Variants in EHMT2 observed in about 807,000 individuals in gnomAD.
EHMT2 encodes euchromatic histone lysine methyltransferase 2.
In EHMT2, 59 loss-of-function variants were observed where a neutral mutation model predicts 143.3. The ratio of observed to expected loss-of-function variants is 0.41; its 90% CI spans 0.33 to 0.51. The LOEUF (loss-of-function observed/expected upper bound fraction) is 0.51. Ranked by LOEUF, EHMT2 falls within the 20% of genes least tolerant of loss-of-function variation. EHMT2 has a pLI of 0.18. For missense variants in EHMT2, 1,174 were observed against 1,645.9 expected (o/e 0.71, Z 4.96); for synonymous variants, 604 against 651.5 (o/e 0.93, Z 1.11).
rs1764645345 is a variant in EHMT2 at position 31,885,025 on chromosome 6, G to T, written c.2344-9C>A. The T allele has an allele frequency of 6.3e-6, 10 of 1,599,156 alleles. No individual in the cohort carries two copies. Among genetic ancestry groups the T allele is most frequent in the Non-Finnish European group, 7.7e-6 (9 of 1,169,530 alleles). On this transcript the variant is annotated splice_polypyrimidine_tract_variant and intron_variant, in intron 18 of 27. Coordinates refer to ENST00000375537, the Ensembl canonical transcript of EHMT2. ...GTCCACCCCCCACTGTCCTGTGGGT[G>T]GGAAGGGAGTGAGGGTGGGGGCAGC...
chr6:31,895,099 C>T (rs115062572), intron 4 of EHMT2, among the ~76,000 whole-genome samples: 2,494 of 152,304 alleles, frequency 0.016, 27 homozygotes, highest in Non-Finnish European at 0.024. Flanking sequence ...GGAAAGGTAG[C>T]TCATAGCAAC....
intron 4 of EHMT2, 112 bp downstream of exon 4, chr6:31,896,151 C>T: frequency 2.1e-6 from 3 of 1,433,050 alleles, no homozygotes; most frequent in Non-Finnish European, 2.8e-6. Flanking sequence ...CACACAGCAG[C>T]CCCTTGCTTA....
chr6:31,883,288 G>A lies in EHMT2; in HGVS notation c.2994+74C>T. On this transcript the variant is annotated intron_variant, in intron 23 of 27. Coordinates refer to ENST00000375537, the Ensembl canonical transcript of EHMT2. This position sits in a 1 kb window ranked among gnomAD's most constrained non-coding sequence, Gnocchi z 5.6. ...TAGGAGGTGAGGGACATGGTCCCAGGGAGCTGGTTTATTGGAGGCTGGCTC... is the reference window on the plus strand; with the variant it reads ...TAGGAGGTGAGGGACATGGTCCCAGAGAGCTGGTTTATTGGAGGCTGGCTC... 2.7e-6 allele frequency: 4 copies of A among 1,462,038 alleles called. No individual in the cohort carries two copies. The highest frequency in any genetic ancestry group is 3.8e-6 in the Non-Finnish European group (4 of 1,050,790). 90.6% of individuals were successfully genotyped at this position (1,462,038 alleles called of 1,614,324 possible).
intron 4 of EHMT2, 64 bp downstream of exon 4, chr6:31,896,199 G>C: frequency 1.9e-6 from 3 of 1,539,532 alleles, no homozygotes; most frequent in Non-Finnish European, 2.6e-6. Flanking sequence ...AGCCTTAAGT[G>C]AAACTGTAAA....
At chr6:31,890,946 AT>A (rs1020247892) in intron 7 of EHMT2, among the ~76,000 whole-genome samples, 46 of 145,576 alleles carry the variant, frequency 3.2e-4, no homozygotes, top group Middle Eastern at 3.6e-3. Flanking sequence ...ACAAAAAAAA[AT>A]TTTTTTTTTT....
chr6:31,889,292 G>A lies in EHMT2; in HGVS notation c.1050C>T (p.Ser350=), dbSNP rs377663072. ...GTTTCCGAGACGGCTTCACCCATGG[G>A]CTGTCTTTTCGCCATTTCTTCTTGG... The change falls in exon 9 of 28, where the codon AGC becomes AGT. Residue 350 remains serine, a synonymous_variant. Coordinates refer to ENST00000375537, the Ensembl canonical transcript of EHMT2. This position sits in a 1 kb window ranked among gnomAD's most constrained non-coding sequence, Gnocchi z 5.1. 6.2e-7 allele frequency: 1 copy of A among 1,612,222 alleles called. No homozygotes were observed. Among genetic ancestry groups the A allele is most frequent in the African/African-American group, 1.3e-5 (1 of 74,922 alleles).
At chr6:31,892,943 G>C (rs769935159) in intron 4 of EHMT2, 33 bp from the exon 5 acceptor site, 1 of 1,482,312 alleles carries the variant, frequency 6.7e-7, no homozygotes, top group Non-Finnish European at 9.1e-7. Flanking sequence ...CTGAGGGTCA[G>C]AGAGCACCTA....
intron 1 of EHMT2, 96 bp from the exon 2 acceptor site, chr6:31,897,085 G>A: frequency 1.3e-6 from 2 of 1,483,036 alleles, no homozygotes; most frequent in Non-Finnish European, 1.8e-6. Context: ...AGTAGGCTCC[G>A]GGGCCTACCT....
chr6:31,888,920 C>T lies in EHMT2; in HGVS notation c.1216+49G>A. On this transcript the variant is annotated intron_variant, in intron 10 of 27. Coordinates refer to ENST00000375537, the Ensembl canonical transcript of EHMT2. The surrounding 1 kb of genome is among the most constrained non-coding windows in gnomAD (Gnocchi z 7.4). ...TTCCCCTCCTTCCCTTTCCCTCCTG[C>T]CCTGAGGTCGCCCCCTAGTGGCTCC... 2 of 1,545,540 alleles carry T rather than the reference C, an allele frequency of 1.3e-6. No individual in the cohort carries two copies. The highest frequency in any genetic ancestry group is 1.2e-5 in the South Asian group (1 of 85,592).
chr6:31,882,796 G>A lies in EHMT2; in HGVS notation c.3111-11C>T, dbSNP rs761263283. Reference sequence around the variant, plus strand: ...AGCTGTAGCCGCACCCTGGGGGTAGGAGAGATGGCGCTGTTGGGTGGAGGC... The same window carrying A: ...AGCTGTAGCCGCACCCTGGGGGTAGAAGAGATGGCGCTGTTGGGTGGAGGC... On this transcript the variant is annotated splice_polypyrimidine_tract_variant and intron_variant, in intron 24 of 27. Coordinates refer to ENST00000375537, the Ensembl canonical transcript of EHMT2. 4 of 1,612,264 alleles carry A rather than the reference G, an allele frequency of 2.5e-6. No homozygotes were observed. The African/African-American group carries it at 4.0e-5, about 16-fold the overall frequency.
chr6:31,896,616 C>T, exon 3 of EHMT2: 1 of 1,584,726 alleles, frequency 6.3e-7, no homozygotes, highest in Non-Finnish European at 8.6e-7. Flanking sequence ...CCAGCAGGAT[C>T]CGGCCCCCAC....
chr6:31,884,457 T>A lies in EHMT2; in HGVS notation c.2706A>T (p.Gln902His). 1 of 1,612,848 alleles carries A rather than the reference T, an allele frequency of 6.2e-7. No individual in the cohort carries two copies. The highest frequency in any genetic ancestry group is 8.5e-7 in the Non-Finnish European group (1 of 1,179,976). The change falls in exon 21 of 28, where the codon CAA becomes CAT. Residue 902 changes from glutamine to histidine, a missense_variant. Transcript: ENST00000375537. This position sits in a 1 kb window ranked among gnomAD's most constrained non-coding sequence, Gnocchi z 7.3. ...CCCCAAGTCGGAGCTTGCGGTTGAG[T>A]TGAAGCGCAAACCACACGTCGGAGC...
At position 31,888,456 on chromosome 6, in the gene EHMT2, G is replaced by T. The variant is rs1312776964; in HGVS notation, c.1416C>A (p.Ser472=). The stretch of plus-strand genomic sequence containing the variant: ...AGAGCACCATCAGGGCCACACGGCT[G>T]GATGGCCTCATGGTCTCCCGCTTGA... Residue 472 remains serine (S), a synonymous_variant, in exon 12 of 28, where the codon TCC becomes TCA. Transcript: ENST00000375537. This position sits in a 1 kb window ranked among gnomAD's most constrained non-coding sequence, Gnocchi z 7.4. 6.2e-7 allele frequency: 1 copy of T among 1,612,828 alleles called. No individual in the cohort carries two copies. Among genetic ancestry groups the T allele is most frequent in the Admixed American group, 1.7e-5 (1 of 59,956 alleles).
rs1764086360 is a variant in EHMT2, at chr6:31,881,393, C to T, written c.3198-301G>A. On this transcript the variant is annotated intron_variant, in intron 25 of 27. Coordinates refer to ENST00000375537, the Ensembl canonical transcript of EHMT2. The surrounding 1 kb of genome is among the most constrained non-coding windows in gnomAD (Gnocchi z 4.8). ...TTTGGACACAGAGAGGTTTGTGTTC[C>T]AGGAGCCACCCGGCAGGAATGGGCG... The T allele has an allele frequency of 1.9e-6, 1 of 517,054 alleles. No homozygotes were observed. Among genetic ancestry groups the T allele is most frequent in the Non-Finnish European group, 3.5e-6 (1 of 284,782 alleles). 32.0% of individuals were successfully genotyped at this position (517,054 alleles called of 1,614,324 possible). A position where few individuals can be genotyped will look rare whatever the true frequency, so the allele number is the denominator to read the frequency against.
chr6:31,890,318 G>T (rs1275022302), intron 7 of EHMT2, among the ~76,000 whole-genome samples: 2 of 151,966 alleles, frequency 1.3e-5, no homozygotes. Flanking sequence ...TTGCAATGGT[G>T]TGATCTCAGC....
In EHMT2 at chr6:31,881,957, T is replaced by C. The variant is rs1764157702; in HGVS notation, c.3197+742A>G. Among the ~76,000 whole-genome samples the C allele has an allele frequency of 6.6e-6, 1 of 151,800 alleles. No homozygotes were observed. On this transcript the variant is annotated intron_variant, in intron 25 of 27. Coordinates refer to ENST00000375537, the Ensembl canonical transcript of EHMT2. This position sits in a 1 kb window ranked among gnomAD's most constrained non-coding sequence, Gnocchi z 4.8. ...CGTTTCTACTAAAAATACAAAAAAT[T>C]AGCCGGGTGTGGTGGTGCGCACCTG... is the stretch of plus-strand genomic sequence containing the variant.
At chr6:31,893,239 A>G (rs1765934542) in intron 4 of EHMT2, 2 of 504,692 alleles carry the variant, frequency 4.0e-6, no homozygotes, top group Non-Finnish European at 3.7e-6. Flanking sequence ...TGCGGAAGCA[A>G]CTCAAGTGCC....
chr6:31,897,592 G>T, intron 1 of EHMT2, 44 bp downstream of exon 1: 1 of 1,124,606 alleles, frequency 8.9e-7, no homozygotes. Flanking sequence ...TCCCCCGGGC[G>T]CGCGCGCGGG....
rs1409342260 is a variant in EHMT2 at position 31,880,852 on chromosome 6, G to C, written c.3277-4C>G. 1.9e-6 allele frequency: 3 copies of C among 1,613,320 alleles called. No individual in the cohort carries two copies. The highest frequency in any genetic ancestry group is 1.3e-5 in the African/African-American group (1 of 74,846). On this transcript the variant is annotated splice_region_variant and splice_polypyrimidine_tract_variant and intron_variant, in intron 26 of 27. Coordinates refer to ENST00000375537, the Ensembl canonical transcript of EHMT2. The surrounding 1 kb of genome is among the most constrained non-coding windows in gnomAD (Gnocchi z 6.6). ...CTATGCAGTACACCTCTCCATCCTGGGGCAGGGGGATGGCACTCTTCACAT... is the reference window on the plus strand; with the variant it reads ...CTATGCAGTACACCTCTCCATCCTGCGGCAGGGGGATGGCACTCTTCACAT...
Sources: gnomAD v4.1 joint callset for allele counts (sites outside exome capture counted in the v4.1 genomes callset) on GRCh38, gnomAD v4.1.1 for gene constraint, Gnocchi (gnomAD v3.1) non-coding constraint, MANE v1.5 for transcripts, NCBI Gene and HGNC (gene_info 2026-07-23, HGNC 2026-07-21) for gene names.